RAB8A: variants seen among roughly 807,000 people sequenced by gnomAD.
The protein encoded by RAB8A is RAB8A, member RAS oncogene family.
Under a neutral mutation model 29.2 loss-of-function variants are expected in RAB8A, and 5 were observed. The ratio of observed to expected loss-of-function variants is 0.17; its 90% confidence interval spans 0.09 to 0.36. The LOEUF (loss-of-function observed/expected upper bound fraction) is 0.36, where lower values mean the gene tolerates loss of function less well. RAB8A is among the 10% of genes least tolerant of loss of function. RAB8A has a pLI of 1.00. For missense variants in RAB8A, 171 were observed against 272.2 expected (o/e 0.63, Z 2.62); for synonymous variants, 108 against 99.9 (o/e 1.08, Z -0.49).
At position 16,132,525 on chromosome 19, in the gene RAB8A, C is replaced by G; in HGVS notation, c.*221C>G. The G allele has an allele frequency of 1.8e-6, 1 of 566,034 alleles. No individual in the cohort carries two copies. Among genetic ancestry groups the G allele is most frequent in the Non-Finnish European group, 3.2e-6 (1 of 315,856 alleles). The allele number at this position is 566,034 out of a possible 1,614,324, so 35.1% of individuals were successfully genotyped here. ...AATAAGTTAAAAATTTGCTATTTTT[C>G]CTGTAACATCTGCTGAACGGGCCCA... On this transcript the variant is annotated 3_prime_UTR_variant, in exon 8 of 8. Transcript: ENST00000300935. The surrounding 1 kb of genome is among the most constrained non-coding windows in gnomAD (Gnocchi z 5.6).
In RAB8A at chr19:16,111,894, A is replaced by C; in HGVS notation, c.-8A>C. The C allele has an allele frequency of 1.2e-6, 2 of 1,613,716 alleles. No individual in the cohort carries two copies. Among genetic ancestry groups the C allele is most frequent in the Non-Finnish European group, 1.7e-6 (2 of 1,179,824 alleles). On this transcript the variant is annotated 5_prime_UTR_variant, in exon 1 of 8. Coordinates refer to ENST00000300935, the MANE Select transcript of RAB8A (RefSeq NM_005370.5). ...TGGCCGCACTTCCCGTCGGGGAGAGAGTGTAATATGGCGAAGACCTACGAT... is the reference window on the plus strand; with the variant it reads ...TGGCCGCACTTCCCGTCGGGGAGAGCGTGTAATATGGCGAAGACCTACGAT...
chr19:16,121,384 G>T (rs2090874880), intron 2 of RAB8A, among the ~76,000 whole-genome samples: 1 of 152,178 alleles, frequency 6.6e-6, no homozygotes. Context: ...AAGATGGCAG[G>T]CCTGAAAGCT....
chr19:16,121,887 A>T, intron 3 of RAB8A, 77 bp downstream of exon 3: 1 of 1,404,884 alleles, frequency 7.1e-7, no homozygotes. Context: ...TGGTTACCGA[A>T]GCCTAGATGT....
At chr19:16,124,734 G>A (rs1171098888) in intron 3 of RAB8A, 3 of 121,848 alleles carry the variant, frequency 2.5e-5, no homozygotes, top group East Asian at 2.3e-4. Context: ...CCCCGTGCTT[G>A]AATCTTAAAG....
intron 6 of RAB8A, 147 bp from the exon 7 acceptor site, chr19:16,129,407 A>T (rs1287603770): frequency 2.7e-6 from 2 of 746,696 alleles, no homozygotes; most frequent in East Asian, 2.5e-5. Flanking sequence ...CGGACAGGCC[A>T]GATGAACCCA....
intron 2 of RAB8A, among the ~76,000 whole-genome samples, chr19:16,119,803 GT>G (rs58523657): frequency 0.037 from 5,502 of 147,502 alleles, 335 homozygotes; most frequent in African/African-American, 0.13. Flanking sequence ...AAAATGACTG[GT>G]TTTTTTTTTT....
chr19:16,122,028 A>C lies in RAB8A; in HGVS notation c.246+218A>C, dbSNP rs998657731. 6.4e-5 allele frequency: 31 copies of C among 482,136 alleles called. No homozygotes were observed. The Admixed American group carries it at 1.0e-3, about 16-fold the overall frequency. The allele number at this position is 482,136 out of a possible 1,614,324, so 29.9% of individuals were successfully genotyped here. A position where few individuals can be genotyped will look rare whatever the true frequency, so the allele number is the denominator to read the frequency against. On this transcript the variant is annotated intron_variant, in intron 3 of 7. Coordinates refer to ENST00000300935, the MANE Select transcript of RAB8A (RefSeq NM_005370.5). The surrounding 1 kb of genome is among the most constrained non-coding windows in gnomAD (Gnocchi z 4.7). ...TGGCTGCAGAGACAATGCAAGGTTT[A>C]AATAAAGTGGAAACATAATTCTTTG...
At chr19:16,119,149 C>T (rs1192149069) in intron 2 of RAB8A, among the ~76,000 whole-genome samples, 1 of 152,188 alleles carries the variant, frequency 6.6e-6, no homozygotes, top group Non-Finnish European at 1.5e-5. Context: ...CCCCACTTGC[C>T]AGTTTCAGGG....
At chr19:16,123,024 C>T (rs994147193) in intron 3 of RAB8A, among the ~76,000 whole-genome samples, 1 of 152,176 alleles carries the variant, frequency 6.6e-6, no homozygotes, top group African/African-American at 2.4e-5. Flanking sequence ...GGCAGTGGGC[C>T]CAGGTCTTAG....
intron 2 of RAB8A, among the ~76,000 whole-genome samples, chr19:16,120,217 C>T (rs1032578494): frequency 6.6e-6 from 1 of 152,080 alleles, no homozygotes; most frequent in Non-Finnish European, 1.5e-5. Context: ...TAGAGCCCTC[C>T]GGGTCCCAGC....
intron 3 of RAB8A, among the ~76,000 whole-genome samples, chr19:16,123,066 ACCTCTT>A (rs2090881864): frequency 6.6e-6 from 1 of 152,080 alleles, no homozygotes; most frequent in African/African-American, 2.4e-5. Flanking sequence ...TTGGCTGTGA[ACCTCTT>A]TGTGCAGGCG....
At chr19:16,112,126 G>T in intron 1 of RAB8A, 101 bp downstream of exon 1, 1 of 1,493,182 alleles carries the variant, frequency 6.7e-7, no homozygotes. Flanking sequence ...CGGGCCGAGG[G>T]CGCTGAGAGG....
chr19:16,117,194 G>C (rs1307301462), intron 1 of RAB8A, among the ~76,000 whole-genome samples: 1 of 152,070 alleles, frequency 6.6e-6, no homozygotes, highest in Non-Finnish European at 1.5e-5. Flanking sequence ...ATACTAGAAA[G>C]TTTGGAGCAG....
At chr19:16,124,261 C>G (rs2090887831) in intron 3 of RAB8A, 1 of 152,190 alleles carries the variant, frequency 6.6e-6, no homozygotes, top group African/African-American at 2.4e-5. Flanking sequence ...CCTGAATTCC[C>G]AGGAGGATTT....
At position 16,129,493 on chromosome 19, in the gene RAB8A, C is replaced by T. The variant is rs200867796; in HGVS notation, c.481-61C>T. On this transcript the variant is annotated intron_variant, in intron 6 of 7. Transcript: ENST00000300935. ...GCTGTCTCACCACACCCGCTGTACA[C>T]GGGCGGCTGAGGACTCAGGGTCCTG... The T allele has an allele frequency of 4.4e-4, 680 of 1,538,990 alleles. 1 individual carries two copies. Among genetic ancestry groups the T allele is most frequent in the Non-Finnish European group, 5.1e-4 (566 of 1,112,614 alleles).
intron 2 of RAB8A, among the ~76,000 whole-genome samples, chr19:16,118,767 C>G (rs994256274): frequency 1.3e-5 from 2 of 152,230 alleles, no homozygotes; most frequent in African/African-American, 2.4e-5. Flanking sequence ...AGCGTACAGA[C>G]CGAAACCCCA....
chr19:16,125,118 C>T lies in RAB8A; in HGVS notation c.247-352C>T. Reference sequence around the variant, plus strand: ...TGAGGGGAGTGCTGCTGGCAGTGGGCCTGTGGACCGGCTCCCACCGTCAGG... The same window carrying T: ...TGAGGGGAGTGCTGCTGGCAGTGGGTCTGTGGACCGGCTCCCACCGTCAGG... On this transcript the variant is annotated intron_variant, in intron 3 of 7. Coordinates refer to ENST00000300935, the MANE Select transcript of RAB8A (RefSeq NM_005370.5). This position sits in a 1 kb window ranked among gnomAD's most constrained non-coding sequence, Gnocchi z 5.0. 2.6e-6 allele frequency: 1 copy of T among 390,252 alleles called. No homozygotes were observed. Among genetic ancestry groups the T allele is most frequent in the Non-Finnish European group, 4.9e-6 (1 of 205,040 alleles). 24.2% of individuals were successfully genotyped at this position (390,252 alleles called of 1,614,324 possible). A position where few individuals can be genotyped will look rare whatever the true frequency, so the allele number is the denominator to read the frequency against.
Position 16,125,295 on chromosome 19 carries a change from G to T in RAB8A, c.247-175G>T. The T allele has an allele frequency of 1.6e-6, 1 of 630,338 alleles. No homozygotes were observed. Among genetic ancestry groups the T allele is most frequent in the Non-Finnish European group, 2.8e-6 (1 of 352,324 alleles). The allele number at this position is 630,338 out of a possible 1,614,324, so 39.0% of individuals were successfully genotyped here. A position where few individuals can be genotyped will look rare whatever the true frequency, so the allele number is the denominator to read the frequency against. On this transcript the variant is annotated intron_variant, in intron 3 of 7. Transcript: ENST00000300935. This position sits in a 1 kb window ranked among gnomAD's most constrained non-coding sequence, Gnocchi z 5.0. ...ACCCAGCAGAAAGAAGGGCCACAGG[G>T]ATGGAGAGGAGGGGGCTGGCTTCCG... is the stretch of plus-strand genomic sequence containing the variant.
intron 2 of RAB8A, 61 bp from the exon 3 acceptor site, chr19:16,121,689 C>T (rs2090875948): frequency 6.7e-7 from 1 of 1,495,270 alleles, no homozygotes; most frequent in Non-Finnish European, 9.3e-7. Flanking sequence ...TGCTCCTTGT[C>T]TCCTACTGAG....
Sources: allele counts gnomAD v4.1 joint callset (sites outside exome capture counted in the v4.1 genomes callset), GRCh38; gene constraint gnomAD v4.1.1; non-coding constraint Gnocchi (gnomAD v3.1); transcripts MANE v1.5; gene names NCBI Gene and HGNC (gene_info 2026-07-23, HGNC 2026-07-21).